NCF2: variants seen among roughly 807,000 people sequenced by gnomAD.
NCF2 encodes the protein neutrophil cytosolic factor 2.
Under a neutral mutation model 70.9 loss-of-function variants are expected in NCF2, and 45 were observed. The ratio of observed to expected loss-of-function variants is 0.63; its 90% CI spans 0.50 to 0.81. NCF2 has a LOEUF of 0.81. Among genes scored for constraint, NCF2 ranks in the 40% least tolerant of loss-of-function variants. The pLI is 0.00. For missense variants in NCF2, 522 were observed against 631.6 expected (o/e 0.83, Z 1.86); for synonymous variants, 203 against 233.6 (o/e 0.87, Z 1.19).
chr1:183,562,956 G>A (rs1369349103), intron 13 of NCF2, among the ~76,000 whole-genome samples: 1 of 152,178 alleles, frequency 6.6e-6, no homozygotes, highest in African/African-American at 2.4e-5. Flanking sequence ...TGGAGGGGCA[G>A]GAGGCTTTCT....
the NCF2 span, among the ~76,000 whole-genome samples, chr1:183,601,493 T>C: frequency 6.6e-6 from 1 of 152,236 alleles, no homozygotes; most frequent in African/African-American, 2.4e-5. Context: ...TGCATTTTTT[T>C]AAAAGTATAA....
At chr1:183,559,870 CAAA>C (rs889117551) in intron 14 of NCF2, among the ~76,000 whole-genome samples, 2 of 152,048 alleles carry the variant, frequency 1.3e-5, no homozygotes, top group African/African-American at 4.8e-5. Context: ...AAAACAAAAA[CAAA>C]AACAAAACAA....
Position 183,574,485 on chromosome 1 carries a change from A to G in NCF2, c.501+2T>C. 6.2e-7 allele frequency: 1 copy of G among 1,614,160 alleles called. No individual in the cohort carries two copies. The highest frequency in any genetic ancestry group is 1.1e-5 in the South Asian group (1 of 91,074). On this transcript the variant is annotated splice_donor_variant, in intron 4 of 14. Transcript: ENST00000367535. LOFTEE classifies it high-confidence loss of function. ...CAACACCTGCATCACCAATACGCTTACCCAGACACACTCCATCGCCTTGTC... is the reference window on the plus strand; with the variant it reads ...CAACACCTGCATCACCAATACGCTTGCCCAGACACACTCCATCGCCTTGTC...
In NCF2 at chr1:183,563,993, G is replaced by A. The variant is rs750073492; in HGVS notation, c.1026+12C>T. The A allele has an allele frequency of 1.9e-6, 3 of 1,605,724 alleles. No individual in the cohort carries two copies. The highest frequency in any genetic ancestry group is 1.7e-6 in the Non-Finnish European group (2 of 1,172,350). ...TTCTACCACTTGAAACAGTATGAGG[G>A]AAAAATGTTACCTTAGGCTCTTCTT... On this transcript the variant is annotated intron_variant, in intron 11 of 14. Transcript: ENST00000367535.
At chr1:183,599,419 TTTCCTTCTTTC>T in the NCF2 span, among the ~76,000 whole-genome samples, 3 of 131,718 alleles carry the variant, frequency 2.3e-5, no homozygotes, top group Admixed American at 1.5e-4. Flanking sequence ...TCTTTCTTTC[TTTCCTTCTTTC>T]TTTCTTTCTT....
At position 183,555,855 on chromosome 1, in the gene NCF2, C is replaced by A; in HGVS notation, c.*263G>T. On this transcript the variant is annotated 3_prime_UTR_variant, in exon 15 of 15. Coordinates refer to ENST00000367535, the MANE Select transcript of NCF2 (RefSeq NM_000433.4). ...AGGATCAGTACCTGGAAGACTCTCTCGTGCCCTTTCCAGACACTTCCATCC... is the reference window on the plus strand; with the variant it reads ...AGGATCAGTACCTGGAAGACTCTCTAGTGCCCTTTCCAGACACTTCCATCC... The A allele has an allele frequency of 3.7e-6, 2 of 541,826 alleles. No individual in the cohort carries two copies. Among genetic ancestry groups the A allele is most frequent in the Non-Finnish European group, 3.3e-6 (1 of 300,530 alleles). 33.6% of individuals were successfully genotyped at this position (541,826 alleles called of 1,614,324 possible). A position where few individuals can be genotyped will look rare whatever the true frequency, so the allele number is the denominator to read the frequency against.
At chr1:183,596,769 A>G in the NCF2 span, among the ~76,000 whole-genome samples, 1 of 151,696 alleles carries the variant, frequency 6.6e-6, no homozygotes, top group Non-Finnish European at 1.5e-5. Context: ...GCCCTTTGAC[A>G]TTTCTCTGCA....
intron 2 of NCF2, among the ~76,000 whole-genome samples, chr1:183,584,301 G>A (rs995012075): frequency 4.6e-5 from 7 of 152,218 alleles, no homozygotes; most frequent in African/African-American, 1.7e-4. Context: ...AAAGGGAAAA[G>A]GGTCAAGAAC....
chr1:183,568,225 T>G (rs1054744270), intron 7 of NCF2, among the ~76,000 whole-genome samples: 8 of 151,912 alleles, frequency 5.3e-5, no homozygotes, highest in Admixed American at 3.3e-4. Context: ...TGCAGTGACA[T>G]GATCTTGGTT....
intron 11 of NCF2, 37 bp downstream of exon 11, chr1:183,563,968 T>C: frequency 6.3e-7 from 1 of 1,581,142 alleles, no homozygotes; most frequent in Non-Finnish European, 8.7e-7. Flanking sequence ...CTATCCCATC[T>C]TCTACCACTT....
At chr1:183,599,478 CTT>C in the NCF2 span, among the ~76,000 whole-genome samples, 1 of 125,298 alleles carries the variant, frequency 8.0e-6, no homozygotes, top group Admixed American at 8.4e-5. Flanking sequence ...TTCTTTCTTT[CTT>C]TCTCTTTTCT....
the NCF2 span, among the ~76,000 whole-genome samples, chr1:183,596,617 G>T: frequency 9.9e-5 from 12 of 121,520 alleles, no homozygotes; most frequent in Admixed American, 1.1e-3. Flanking sequence ...ACTAAAAATA[G>T]TACTAAAAAT....
intron 11 of NCF2, 176 bp downstream of exon 11, chr1:183,563,829 C>A: frequency 1.2e-6 from 1 of 832,334 alleles, no homozygotes; most frequent in Non-Finnish European, 2.0e-6. Context: ...GAAGTGTGTG[C>A]ATGATAGTGG....
In NCF2 at chr1:183,567,365, GA is replaced by G. The variant is rs1672355745; in HGVS notation, c.714-21del. ...AGAGCCCTGCAGAGGATAGACACAA[GA>G]TCCAGCCCCCATCCCCTCACATGAT... On this transcript the variant is annotated intron_variant, in intron 7 of 14. Transcript: ENST00000367535. The G allele has an allele frequency of 6.2e-7, 1 of 1,613,512 alleles. No individual in the cohort carries two copies. Among genetic ancestry groups the G allele is most frequent in the African/African-American group, 1.3e-5 (1 of 74,894 alleles).
In NCF2 at chr1:183,567,225, G is replaced by A; in HGVS notation, c.834C>T (p.Ala278=). Residue 278 remains alanine (A), a synonymous_variant, in exon 8 of 15, where the codon GCC becomes GCT. Coordinates refer to ENST00000367535, the MANE Select transcript of NCF2 (RefSeq NM_000433.4). The part of the protein sequence containing the change: ...FVLKKGNDNW[A]TVMFNGQKGL... ...ATACCTGCCCGTTGAACATGACCGT[G>A]GCCCAGTTATCATTGCCCTTCTTCA... is the stretch of plus-strand genomic sequence containing the variant. 2 of 1,614,110 alleles carry A rather than the reference G, an allele frequency of 1.2e-6. No homozygotes were observed. Among genetic ancestry groups the A allele is most frequent in the Non-Finnish European group, 1.7e-6 (2 of 1,180,036 alleles).
At position 183,566,761 on chromosome 1, in the gene NCF2, T is replaced by G. The variant is rs543031906; in HGVS notation, c.924+159A>C. 3.2e-4 allele frequency among the ~76,000 whole-genome samples: 48 copies of G among 152,350 alleles called. No individual in the cohort carries two copies. The South Asian group carries it at 4.8e-3, about 15-fold the overall frequency. ...GGCTTTTTTCCCCTCATTCCCAGGTTCAGCTCTGGGTAGCTGGTGCCATCT... is the reference window on the plus strand; with the variant it reads ...GGCTTTTTTCCCCTCATTCCCAGGTGCAGCTCTGGGTAGCTGGTGCCATCT... On this transcript the variant is annotated intron_variant, in intron 9 of 14. Coordinates refer to ENST00000367535, the MANE Select transcript of NCF2 (RefSeq NM_000433.4).
At chr1:183,599,463 TTTCTTTC>T in the NCF2 span, among the ~76,000 whole-genome samples, 1 of 142,238 alleles carries the variant, frequency 7.0e-6, no homozygotes, top group East Asian at 2.0e-4. Flanking sequence ...TCTTTCTTTC[TTTCTTTC>T]TTTCTTTCTT....
intron 2 of NCF2, 130 bp downstream of exon 2, chr1:183,586,765 C>T (rs1027654632): frequency 2.4e-6 from 2 of 834,530 alleles, no homozygotes; most frequent in African/African-American, 1.7e-5. Context: ...GCATAACTGT[C>T]CCCAGAAGGG....
At position 183,572,082 on chromosome 1, in the gene NCF2, G is replaced by T. The variant is rs538735832; in HGVS notation, c.609+1103C>A. On this transcript the variant is annotated intron_variant, in intron 5 of 14. Coordinates refer to ENST00000367535, the MANE Select transcript of NCF2 (RefSeq NM_000433.4). ...CTAGACCCAGCTACCCGACCACTGGGCAACTTTAGCCCTATGAATGTGTCA... is the reference window on the plus strand; with the variant it reads ...CTAGACCCAGCTACCCGACCACTGGTCAACTTTAGCCCTATGAATGTGTCA... Among the ~76,000 whole-genome samples the T allele has an allele frequency of 2.0e-3, 309 of 152,326 alleles. 1 individual carries two copies. Among genetic ancestry groups the T allele is most frequent in the Non-Finnish European group, 3.4e-3 (229 of 68,024 alleles).
Sources: allele counts gnomAD v4.1 joint callset (sites outside exome capture counted in the v4.1 genomes callset), GRCh38; gene constraint gnomAD v4.1.1; transcripts MANE v1.5; gene names NCBI Gene and HGNC (gene_info 2026-07-23, HGNC 2026-07-21).